The following ACP3 variants were observed in gnomAD, a reference collection of about 807,000 sequenced individuals.
ACP3 encodes prostatic acid phosphatase.
In ACP3, 38 loss-of-function variants were observed where a neutral mutation model predicts 45.6. The ratio of observed to expected loss-of-function variants is 0.83; its 90% confidence interval spans 0.64 to 1.09. ACP3 has a LOEUF of 1.09. Among genes scored for constraint, ACP3 ranks in the 50% least tolerant of loss-of-function variants. The probability of loss-of-function intolerance (pLI) is 0.00; values close to 1 mark genes in which losing one functional copy is unlikely to be tolerated. For missense variants in ACP3, 466 were observed against 463.2 expected, an observed-to-expected ratio of 1.01 and a Z score of -0.05; for synonymous variants, 162 against 164.7, an observed-to-expected ratio of 0.98 and a Z score of 0.13.
At chr3:132,364,066 A>G (rs577531475) in intron 10 of ACP3, among the ~76,000 whole-genome samples, 1 of 152,292 alleles carries the variant, frequency 6.6e-6, no homozygotes, top group South Asian at 2.1e-4. Context: ...GCCCCTGGCC[A>G]GGCACAGTGG....
At position 132,345,018 on chromosome 3, in the gene ACP3, A is replaced by G. The variant is rs1276266998; in HGVS notation, c.740A>G (p.Tyr247Cys). ...TCAGAATTGTCCCTCCTGTCCCTCTATGGAATTCACAAGCAGAAAGAGAAA... is the reference window on the plus strand; with the variant it reads ...TCAGAATTGTCCCTCCTGTCCCTCTGTGGAATTCACAAGCAGAAAGAGAAA... Reference protein sequence around the residue: ...ELSELSLLSLYGIHKQKEKSR... With the variant: ...ELSELSLLSLCGIHKQKEKSR... The change falls in exon 7 of 10, where the codon TAT (tyrosine) becomes TGT (cysteine). Residue 247 changes from tyrosine (Y) to cysteine (C), a missense_variant. By Grantham distance (194) the Tyr-to-Cys change is radical. Coordinates refer to ENST00000336375, the MANE Select transcript of ACP3 (RefSeq NM_001099.5). 7.4e-6 allele frequency: 12 copies of G among 1,613,628 alleles called. No individual in the cohort carries two copies. Among genetic ancestry groups the G allele is most frequent in the East Asian group, 2.2e-5 (1 of 44,854 alleles).
In ACP3 at chr3:132,358,078, A is replaced by AATAAAAAC. The variant is rs1937955413; in HGVS notation, c.*1201_*1202insTAAAAACA. 1 of 157,434 alleles carries AATAAAAAC rather than the reference A, an allele frequency of 6.4e-6. No homozygotes were observed. The highest frequency in any genetic ancestry group is 1.3e-5 in the Non-Finnish European group (1 of 74,558). The allele number at this position is 157,434 out of a possible 1,614,324, so 9.8% of individuals were successfully genotyped here. A position where few individuals can be genotyped will look rare whatever the true frequency, so the allele number is the denominator to read the frequency against. ...AAATAAATAAATAAATAAATAAATA[A>AATAAAAAC]AAACAAAGTTGATTAAGAAAGGAAG... On this transcript the variant is annotated 3_prime_UTR_variant, in exon 10 of 10. Transcript: ENST00000336375.
intron 6 of ACP3, 63 bp from the exon 7 acceptor site, chr3:132,344,864 A>G (rs1937590504): frequency 2.5e-6 from 4 of 1,573,234 alleles, no homozygotes; most frequent in Non-Finnish European, 3.4e-6. Context: ...AAAAAGGATA[A>G]GTCAACAAAG....
exon 11 of ACP3, chr3:132,367,932 G>A: frequency 2.4e-6 from 2 of 826,846 alleles, no homozygotes; most frequent in Non-Finnish European, 4.0e-6. Flanking sequence ...CTCACACCCT[G>A]CCTTTTGAAT....
chr3:132,331,542 G>T, intron 2 of ACP3, 105 bp from the exon 3 acceptor site: 2 of 783,180 alleles, frequency 2.6e-6, no homozygotes, highest in South Asian at 2.0e-5. Context: ...CCACACCATT[G>T]TTCATTCTAC....
intron 8 of ACP3, among the ~76,000 whole-genome samples, chr3:132,352,326 T>A (rs1937762275): frequency 6.6e-6 from 1 of 151,394 alleles, no homozygotes; most frequent in Admixed American, 6.6e-5. Context: ...GCCTCCCAAG[T>A]AGCTGGATTT....
intron 1 of ACP3, among the ~76,000 whole-genome samples, chr3:132,319,031 G>T (rs1389114917): frequency 1.3e-5 from 2 of 152,128 alleles, no homozygotes; most frequent in Non-Finnish European, 2.9e-5. Flanking sequence ...ATTCTTTCCT[G>T]AGGAAAGCCA....
intron 2 of ACP3, among the ~76,000 whole-genome samples, chr3:132,330,265 C>T (rs1342688257): frequency 6.6e-6 from 1 of 152,026 alleles, no homozygotes; most frequent in Non-Finnish European, 1.5e-5. Context: ...TGATGGCTGT[C>T]TAGATCAGTG....
At chr3:132,333,988 T>G (rs1334858017) in intron 4 of ACP3, among the ~76,000 whole-genome samples, 3 of 152,156 alleles carry the variant, frequency 2.0e-5, no homozygotes, top group African/African-American at 7.2e-5. Context: ...GGAGAATCAC[T>G]TAAACCTGGG....
chr3:132,358,580 C>T lies in ACP3; in HGVS notation c.*1702C>T. 1 of 1,121,824 alleles carries T rather than the reference C, an allele frequency of 8.9e-7. No individual in the cohort carries two copies. Among genetic ancestry groups the T allele is most frequent in the Non-Finnish European group, 1.1e-6 (1 of 894,000 alleles). The allele number at this position is 1,121,824 out of a possible 1,614,324, so 69.5% of individuals were successfully genotyped here. A position where few individuals can be genotyped will look rare whatever the true frequency, so the allele number is the denominator to read the frequency against. Reference sequence around the variant, plus strand: ...TGGCTGCCAGAATCTAGAGCAAAGCCATCCCCGCTCCTGGTTGGTCACAGA... The same window carrying T: ...TGGCTGCCAGAATCTAGAGCAAAGCTATCCCCGCTCCTGGTTGGTCACAGA... On this transcript the variant is annotated 3_prime_UTR_variant, in exon 10 of 10. Transcript: ENST00000336375.
In ACP3 at chr3:132,356,699, G is replaced by T. The variant is rs771538324; in HGVS notation, c.982G>T (p.Glu328Ter). 3 of 1,613,908 alleles carry T rather than the reference G, an allele frequency of 1.9e-6. No individual in the cohort carries two copies. The highest frequency in any genetic ancestry group is 2.5e-6 in the Non-Finnish European group (3 of 1,180,042). Residue 328 changes from glutamate (E) to a stop codon, truncating the protein, a stop_gained, in exon 10 of 10, where the codon GAG becomes TAG. Transcript: ENST00000336375. LOFTEE classifies it high-confidence loss of function. ...LYFEKGEYFVEMYYRNETQHE... is the reference protein window; with the variant it reads ...LYFEKGEYFV ...TTTGTCTGCCAGGGAGTACTTTGTG[G>T]AGATGTACTATCGGAATGAGACGCA...
chr3:132,326,690 A>T (rs184917353), intron 1 of ACP3, among the ~76,000 whole-genome samples: 1 of 152,352 alleles, frequency 6.6e-6, no homozygotes, highest in East Asian at 1.9e-4. Context: ...CTTCTCAAAA[A>T]TGACTAAAGT....
rs535487767 is a variant in ACP3, at chr3:132,340,037, G to A, written c.555+2483G>A. Among the ~76,000 whole-genome samples the A allele has an allele frequency of 2.6e-4, 39 of 152,258 alleles. No homozygotes were observed. In the Middle Eastern group the frequency reaches 0.01, roughly 40 times the overall value. ...GGAGATGAACACCAAATAGAAGGCC[G>A]GGCACAGTGGCTCACGCTTGTAATC... On this transcript the variant is annotated intron_variant, in intron 5 of 9. Transcript: ENST00000336375.
chr3:132,333,250 A>G (rs1271368863), intron 4 of ACP3, among the ~76,000 whole-genome samples: 1 of 152,350 alleles, frequency 6.6e-6, no homozygotes, highest in Non-Finnish European at 1.5e-5. Flanking sequence ...GTGTTTACAC[A>G]GGTTGGGACC....
rs538661898 is a variant in ACP3 at position 132,332,550 on chromosome 3, A to G, written c.456+206A>G. ...GAACCAAATTTCTCTTTGGATCTGT[A>G]TGATCCACTTTGTTTTGCCACTCTT... On this transcript the variant is annotated intron_variant, in intron 4 of 9. Transcript: ENST00000336375. 1.0e-5 allele frequency: 6 copies of G among 584,796 alleles called. No homozygotes were observed. The East Asian group carries it at 1.8e-4, about 18-fold the overall frequency. 36.2% of individuals were successfully genotyped at this position (584,796 alleles called of 1,614,324 possible).
chr3:132,332,424 G>A lies in ACP3; in HGVS notation c.456+80G>A, dbSNP rs1937417346. 3 of 1,516,558 alleles carry A rather than the reference G, an allele frequency of 2.0e-6. No individual in the cohort carries two copies. In the Admixed American group the frequency reaches 5.3e-5, roughly 27 times the overall value. The allele number at this position is 1,516,558 out of a possible 1,614,324, so 93.9% of individuals were successfully genotyped here. ...AGGCTACTCAACAGTTGTGGATTTG[G>A]GAGTCTGGACACTCCTTGAGCTGTG... On this transcript the variant is annotated intron_variant, in intron 4 of 9. Coordinates refer to ENST00000336375, the MANE Select transcript of ACP3 (RefSeq NM_001099.5).
intron 1 of ACP3, among the ~76,000 whole-genome samples, chr3:132,324,075 AGGCGTGGTG>A: frequency 6.6e-6 from 1 of 152,232 alleles, no homozygotes; most frequent in South Asian, 2.1e-4. Context: ...AAAATTAGCC[AGGCGTGGTG>A]GCAGGTGCTT....
intron 8 of ACP3, 58 bp downstream of exon 8, chr3:132,350,060 C>T: frequency 8.4e-7 from 1 of 1,186,656 alleles, no homozygotes; most frequent in South Asian, 1.3e-5. Context: ...TCTCTTGAAG[C>T]ACAGGACCTC....
At chr3:132,360,987 A>T (rs1938030491), downstream of ACP3, among the ~76,000 whole-genome samples, 1 of 152,196 alleles carries the variant, frequency 6.6e-6, no homozygotes, top group Non-Finnish European at 1.5e-5. Flanking sequence ...AGAAGCCTGG[A>T]ACTCAGTTTA....
Sources: allele counts gnomAD v4.1 joint callset (sites outside exome capture counted in the v4.1 genomes callset), GRCh38; gene constraint gnomAD v4.1.1; transcripts MANE v1.5; gene names NCBI Gene and HGNC (gene_info 2026-07-23, HGNC 2026-07-21).